The following CFAP47 variants were observed in gnomAD, a reference collection of about 807,000 sequenced individuals.
CFAP47 encodes the protein cilia- and flagella-associated protein 47.
In CFAP47, 29 loss-of-function variants were observed where a neutral mutation model predicts 148.1. That is an observed-to-expected ratio of 0.20 (90% CI 0.15 to 0.27). The LOEUF is 0.27. Ranked by LOEUF, CFAP47 falls within the 10% of genes least tolerant of loss-of-function variation. CFAP47 has a pLI of 1.00. For missense variants in CFAP47, 1,872 were observed against 1,697.5 expected (o/e 1.10, Z -1.81); for synonymous variants, 664 against 577.3 (o/e 1.15, Z -2.15).
chrX:36,293,484 C>T (rs1556005905), intron 51 of CFAP47, among the ~76,000 whole-genome samples: 1 of 112,265 alleles, frequency 8.9e-6, no homozygotes. Flanking sequence ...TGATTCCTTC[C>T]TTTTTAGGGA....
At chrX:36,116,958 C>A (rs1280299074) in intron 33 of CFAP47, among the ~76,000 whole-genome samples, 2 of 111,474 alleles carry the variant, frequency 1.8e-5, no homozygotes, top group African/African-American at 6.5e-5. Context: ...CCCATGAGTT[C>A]AATTGTTTCA....
At chrX:36,094,386 T>A in intron 30 of CFAP47, among the ~76,000 whole-genome samples, 1 of 111,351 alleles carries the variant, frequency 9.0e-6, no homozygotes, top group Admixed American at 9.6e-5. Flanking sequence ...AATGTAAGGA[T>A]TTTGTTTCTC....
chrX:36,354,211 G>A (rs1299256513), intron 60 of CFAP47, among the ~76,000 whole-genome samples: 5 of 111,368 alleles, frequency 4.5e-5, no homozygotes, highest in Non-Finnish European at 9.4e-5. Context: ...GCCAGGTGCG[G>A]TGGCTCACGC....
At chrX:35,936,695 C>T (rs1397786448) in intron 2 of CFAP47, among the ~76,000 whole-genome samples, 1 of 110,644 alleles carries the variant, frequency 9.0e-6, no homozygotes, top group Non-Finnish European at 1.9e-5. Flanking sequence ...TTTTTCTTAG[C>T]CTATTTTGTA....
intron 60 of CFAP47, among the ~76,000 whole-genome samples, chrX:36,354,413 G>T (rs1260780460): frequency 9.6e-6 from 1 of 104,549 alleles, no homozygotes; most frequent in South Asian, 4.5e-4. Flanking sequence ...CCTGGGAGGC[G>T]GAGGTTGCAG....
intron 22 of CFAP47, among the ~76,000 whole-genome samples, chrX:36,029,114 A>C (rs1473218015): frequency 9.1e-6 from 1 of 110,301 alleles, no homozygotes; most frequent in East Asian, 2.8e-4. Context: ...TCAATCTTAG[A>C]GATTGTATGT....
At chrX:36,142,879 A>G (rs1326226311) in intron 35 of CFAP47, among the ~76,000 whole-genome samples, 1 of 109,691 alleles carries the variant, frequency 9.1e-6, no homozygotes, top group East Asian at 2.9e-4. Flanking sequence ...CAGTAAACAC[A>G]CCTCCCGTCA....
In CFAP47 at chrX:36,108,868, G is replaced by A. The variant is rs771015781; in HGVS notation, c.5320+4177G>A. 7.5e-5 allele frequency among the ~76,000 whole-genome samples: 8 copies of A among 106,790 alleles called. No homozygotes were observed. In the East Asian group the frequency reaches 1.8e-3, roughly 24 times the overall value. 92.7% of individuals were successfully genotyped at this position (106,790 alleles called of 115,157 possible). On this transcript the variant is annotated intron_variant, in intron 33 of 63. Transcript: ENST00000378653. ...TGTTATATAGGTAAACTCATGTCAC[G>A]GGGGTTTGTTGTATAGATTATTTCA...
chrX:35,924,121 G>A lies in CFAP47; in HGVS notation c.250-1896G>A, dbSNP rs1362512953. Among the ~76,000 whole-genome samples, 23 of 99,206 alleles carry A rather than the reference G, an allele frequency of 2.3e-4. 1 individual carries two copies. The highest frequency in any genetic ancestry group is 2.0e-3 in the Admixed American group (18 of 9,122). The allele number at this position is 99,206 out of a possible 115,157, so 86.1% of individuals were successfully genotyped here. A position where few individuals can be genotyped will look rare whatever the true frequency, so the allele number is the denominator to read the frequency against. On this transcript the variant is annotated intron_variant, in intron 1 of 63. Coordinates refer to ENST00000378653, the MANE Select transcript of CFAP47 (RefSeq NM_001304548.2). Reference sequence around the variant, plus strand: ...TATATGTATATATGTACATGTATGCGTACATATATGTATATGTGTACATGT... The same window carrying A: ...TATATGTATATATGTACATGTATGCATACATATATGTATATGTGTACATGT...
chrX:35,983,369 A>G (rs1936672301), intron 15 of CFAP47, among the ~76,000 whole-genome samples: 1 of 111,815 alleles, frequency 8.9e-6, no homozygotes. Flanking sequence ...GGGGCTTTCT[A>G]GGTATAGAAT....
chrX:36,357,045 A>T (rs1411838097), intron 60 of CFAP47, among the ~76,000 whole-genome samples: 1 of 112,238 alleles, frequency 8.9e-6, no homozygotes, highest in Admixed American at 9.5e-5. Flanking sequence ...CCTTGCAGGA[A>T]CAAACAACTT....
intron 39 of CFAP47, among the ~76,000 whole-genome samples, chrX:36,164,237 G>A (rs1287631642): frequency 1.8e-5 from 2 of 111,126 alleles, no homozygotes; most frequent in Admixed American, 1.9e-4. Context: ...TAGATTTTCT[G>A]CCTAAATTTT....
chrX:35,959,938 G>T (rs1312165276), intron 8 of CFAP47, among the ~76,000 whole-genome samples: 3 of 108,230 alleles, frequency 2.8e-5, no homozygotes, highest in African/African-American at 1.0e-4. Flanking sequence ...TGATTTAGAG[G>T]TTGAAATGTA....
chrX:36,047,213 G>A lies in CFAP47; in HGVS notation c.4217+150G>A, dbSNP rs763646668. 17 of 455,232 alleles carry A rather than the reference G, an allele frequency of 3.7e-5. 1 individual carries two copies. The highest frequency in any genetic ancestry group is 3.7e-4 in the South Asian group (9 of 24,352). The allele number at this position is 455,232 out of a possible 1,213,427, so 37.5% of individuals were successfully genotyped here. A position where few individuals can be genotyped will look rare whatever the true frequency, so the allele number is the denominator to read the frequency against. On this transcript the variant is annotated intron_variant, in intron 26 of 63. Coordinates refer to ENST00000378653, the MANE Select transcript of CFAP47 (RefSeq NM_001304548.2). Reference sequence around the variant, plus strand: ...TTTCTAAAATTCCAAATGTAAGTGCGCTCTCACAAAAAGCAGCATAATAGT... The same window carrying A: ...TTTCTAAAATTCCAAATGTAAGTGCACTCTCACAAAAAGCAGCATAATAGT...
intron 7 of CFAP47, 62 bp from the exon 8 acceptor site, chrX:35,955,899 G>A: frequency 8.5e-7 from 1 of 1,179,531 alleles, no homozygotes; most frequent in Non-Finnish European, 1.1e-6. Context: ...AATAGACTAA[G>A]CAAATATATT....
Position 36,117,193 on chromosome X carries a change from C to T in CFAP47, c.5320+12502C>T, listed in dbSNP as rs778231821. ...ATTTGCTTCCAAATCTTGGCTGTTG[C>T]GAACAGAGCTAAAACACACATGGGA... On this transcript the variant is annotated intron_variant, in intron 33 of 63. Coordinates refer to ENST00000378653, the MANE Select transcript of CFAP47 (RefSeq NM_001304548.2). Among the ~76,000 whole-genome samples the T allele has an allele frequency of 8.9e-5, 10 of 111,966 alleles. No homozygotes were observed. The South Asian group carries it at 2.2e-3, about 25-fold the overall frequency.
intron 42 of CFAP47, 147 bp from the exon 43 acceptor site, chrX:36,200,232 C>T: frequency 3.7e-6 from 1 of 273,303 alleles, no homozygotes; most frequent in Non-Finnish European, 6.5e-6. Context: ...TTGTGCCTTA[C>T]CTTTGTTTAC....
Position 36,314,663 on chromosome X carries a change from C to T in CFAP47, c.8344+3674C>T, listed in dbSNP as rs1378466146. Reference sequence around the variant, plus strand: ...CAGTTTTAGGCTAAACTTTTTAATGCTATCTATCTATCTGCCTATCTATCT... The same window carrying T: ...CAGTTTTAGGCTAAACTTTTTAATGTTATCTATCTATCTGCCTATCTATCT... On this transcript the variant is annotated intron_variant, in intron 56 of 63. Transcript: ENST00000378653. Among the ~76,000 whole-genome samples the T allele has an allele frequency of 3.6e-5, 4 of 111,340 alleles. No homozygotes were observed. The Admixed American group carries it at 3.9e-4, about 11-fold the overall frequency.
At chrX:36,250,052 A>G (rs888335544) in intron 48 of CFAP47, among the ~76,000 whole-genome samples, 7 of 111,632 alleles carry the variant, frequency 6.3e-5, no homozygotes, top group Non-Finnish European at 1.3e-4. Context: ...TGATTCTGTA[A>G]TTCTACTGCT....
Sources: gnomAD v4.1 joint callset for allele counts (sites outside exome capture counted in the v4.1 genomes callset) on GRCh38, gnomAD v4.1.1 for gene constraint, MANE v1.5 for transcripts, NCBI Gene and HGNC (gene_info 2026-07-23, HGNC 2026-07-21) for gene names.